SMYD3: variants seen among roughly 807,000 people sequenced by gnomAD.
SMYD3 encodes the protein SET and MYND domain containing 3.
SMYD3 carries 36 observed loss-of-function variants against 57.7 expected under a neutral mutation model. The ratio of observed to expected loss-of-function variants is 0.62; its 90% confidence interval spans 0.48 to 0.82. The LOEUF is 0.82. SMYD3 is among the 40% of genes least tolerant of loss of function. SMYD3 has a pLI of 0.00. For missense variants in SMYD3, 515 were observed against 538.8 expected (o/e 0.96, Z 0.44); for synonymous variants, 211 against 195.0 (o/e 1.08, Z -0.68).
At chr1:246,200,235 C>G (rs367775268) in intron 5 of SMYD3, among the ~76,000 whole-genome samples, 49 of 3,112 alleles carry the variant, frequency 0.016, 1 homozygote, top group South Asian at 0.032. Flanking sequence ...AGAATGTACA[C>G]AGATGCCCAC....
At chr1:246,472,242 G>C (rs1270445647) in intron 1 of SMYD3, among the ~76,000 whole-genome samples, 1 of 152,014 alleles carries the variant, frequency 6.6e-6, no homozygotes, top group African/African-American at 2.4e-5. Flanking sequence ...AGAGGCTTTT[G>C]ATCTTGTGGA....
intron 8 of SMYD3, among the ~76,000 whole-genome samples, chr1:245,901,469 T>A (rs1030565463): frequency 2.0e-5 from 3 of 152,198 alleles, no homozygotes; most frequent in Admixed American, 6.5e-5. Context: ...AGAAGAAAAG[T>A]CCATTCATTA....
intron 5 of SMYD3, among the ~76,000 whole-genome samples, chr1:246,286,984 T>C (rs2064582028): frequency 6.6e-6 from 1 of 151,736 alleles, no homozygotes. Flanking sequence ...AGTTCTCATG[T>C]CTCAGCCTCC....
chr1:246,277,038 T>C (rs561867053), intron 5 of SMYD3, among the ~76,000 whole-genome samples: 2 of 152,364 alleles, frequency 1.3e-5, no homozygotes, highest in East Asian at 1.9e-4. Context: ...ATGTCTAATA[T>C]GGAGATGTAC....
At chr1:246,346,253 A>G (rs1295748951) in intron 2 of SMYD3, among the ~76,000 whole-genome samples, 1 of 152,112 alleles carries the variant, frequency 6.6e-6, no homozygotes, top group East Asian at 1.9e-4. Context: ...ACTGCACTCC[A>G]GTCTGGGCGA....
chr1:246,416,096 A>T (rs2102991829), intron 1 of SMYD3, among the ~76,000 whole-genome samples: 1 of 152,304 alleles, frequency 6.6e-6, no homozygotes, highest in South Asian at 2.1e-4. Context: ...TCACAAATAA[A>T]TTTTTTGAGA....
chr1:246,223,149 G>GGA (rs1479601613), intron 5 of SMYD3, among the ~76,000 whole-genome samples: 2 of 152,116 alleles, frequency 1.3e-5, no homozygotes, highest in Admixed American at 6.5e-5. Flanking sequence ...GGGAACAGAG[G>GGA]TCTCCTCAGG....
At chr1:246,499,135 C>T (rs1005370442) in intron 1 of SMYD3, among the ~76,000 whole-genome samples, 17 of 151,712 alleles carry the variant, frequency 1.1e-4, no homozygotes, top group African/African-American at 4.1e-4. Context: ...TAAAGCAATG[C>T]AATTCTCATT....
chr1:245,941,219 CA>C (rs913656305), intron 5 of SMYD3, among the ~76,000 whole-genome samples: 4 of 152,120 alleles, frequency 2.6e-5, no homozygotes. Context: ...CTGGGGAGAA[CA>C]AAACCGAGTT....
chr1:246,305,868 G>T (rs1268204962), intron 5 of SMYD3: 2 of 152,258 alleles, frequency 1.3e-5, no homozygotes, highest in East Asian at 3.9e-4. Flanking sequence ...TGCTCTTGAT[G>T]TCTAATGGCA....
chr1:245,838,332 C>T (rs1391859637), intron 10 of SMYD3, among the ~76,000 whole-genome samples: 2 of 152,182 alleles, frequency 1.3e-5, no homozygotes, highest in East Asian at 1.9e-4. Context: ...GGTCCTGCAC[C>T]GTTTCCAGTG....
At chr1:246,101,071 GTTTTTTTTTTT>G (rs754724096) in intron 5 of SMYD3, among the ~76,000 whole-genome samples, 1 of 54,072 alleles carries the variant, frequency 1.8e-5, no homozygotes, top group Non-Finnish European at 4.3e-5. Flanking sequence ...GGGGTTTTTT[GTTTTTTTTTTT>G]TTTTTTTTTT....
chr1:246,067,142 C>G (rs1378957721), intron 5 of SMYD3, among the ~76,000 whole-genome samples: 2 of 152,148 alleles, frequency 1.3e-5, no homozygotes, highest in Non-Finnish European at 1.5e-5. Flanking sequence ...ATAAGAAGGA[C>G]TGTATATGTC....
intron 8 of SMYD3, among the ~76,000 whole-genome samples, chr1:245,881,570 G>A (rs138259132): frequency 1.5e-4 from 23 of 152,176 alleles, no homozygotes; most frequent in African/African-American, 5.1e-4. Flanking sequence ...ATTCACTTGC[G>A]CAACACAAAT....
intron 10 of SMYD3, among the ~76,000 whole-genome samples, chr1:245,821,918 G>T (rs1471963944): frequency 6.6e-6 from 1 of 151,108 alleles, no homozygotes; most frequent in Non-Finnish European, 1.5e-5. Context: ...AGAGGATGTG[G>T]AGAAATAGGA....
intron 1 of SMYD3, among the ~76,000 whole-genome samples, chr1:246,400,288 G>A (rs1264431386): frequency 1.3e-5 from 2 of 152,230 alleles, no homozygotes; most frequent in African/African-American, 4.8e-5. Context: ...AGTCTAGCAG[G>A]ATAGTAACTT....
chr1:245,913,673 C>G (rs1359481692), intron 8 of SMYD3, among the ~76,000 whole-genome samples: 2 of 101,816 alleles, frequency 2.0e-5, no homozygotes, highest in African/African-American at 6.0e-5. Flanking sequence ...AAACACTCAA[C>G]AGAGTGAAGA....
intron 1 of SMYD3, among the ~76,000 whole-genome samples, chr1:246,383,067 A>AC (rs1373694551): frequency 1.3e-5 from 2 of 151,746 alleles, no homozygotes; most frequent in Admixed American, 1.3e-4. Context: ...CAGGCTCCAG[A>AC]CCCACCCCCA....
At chr1:246,112,560 G>A (rs759347580) in intron 5 of SMYD3, among the ~76,000 whole-genome samples, 8 of 152,130 alleles carry the variant, frequency 5.3e-5, no homozygotes, top group Non-Finnish European at 2.9e-5. Context: ...AAAGGGATCA[G>A]AGCTAAATGG....
Sources: allele counts gnomAD v4.1 joint callset (sites outside exome capture counted in the v4.1 genomes callset), GRCh38; gene constraint gnomAD v4.1.1; transcripts MANE v1.5; gene names NCBI Gene and HGNC (gene_info 2026-07-23, HGNC 2026-07-21).